CNOT10: variants seen among roughly 807,000 people sequenced by gnomAD.
CNOT10 encodes the protein CCR4-NOT transcription complex subunit 10.
Under a neutral mutation model 94.6 loss-of-function variants are expected in CNOT10, and 30 were observed. The ratio of observed to expected loss-of-function variants is 0.32; its 90% CI spans 0.24 to 0.43. CNOT10 has a LOEUF of 0.43. Ranked by LOEUF, CNOT10 falls within the 20% of genes least tolerant of loss-of-function variation. The pLI is 1.00. For synonymous variants in CNOT10, 289 were observed against 301.6 expected (o/e 0.96, Z 0.43); for missense variants, 759 against 877.2 (o/e 0.87, Z 1.70).
chr3:32,700,472 G>A (rs979076085), intron 1 of CNOT10, among the ~76,000 whole-genome samples: 1 of 152,012 alleles, frequency 6.6e-6, no homozygotes, highest in African/African-American at 2.4e-5. Flanking sequence ...TTGTCTGTAC[G>A]TCACTGTGCA....
At chr3:32,754,463 C>G (rs1251289034) in intron 13 of CNOT10, among the ~76,000 whole-genome samples, 1 of 71,324 alleles carries the variant, frequency 1.4e-5, no homozygotes, top group African/African-American at 6.0e-5. Flanking sequence ...GGCGACAGAG[C>G]AAGACTCCGT....
chr3:32,762,296 G>T (rs1196240378), intron 14 of CNOT10, among the ~76,000 whole-genome samples: 1 of 151,022 alleles, frequency 6.6e-6, no homozygotes, highest in Non-Finnish European at 1.5e-5. Context: ...TTGAGATGGC[G>T]TCTCACTCTG....
chr3:32,742,882 A>G (rs1699533261), intron 13 of CNOT10, among the ~76,000 whole-genome samples: 1 of 151,982 alleles, frequency 6.6e-6, no homozygotes, highest in Non-Finnish European at 1.5e-5. Context: ...TGCAGTGAAT[A>G]TGGTTATACA....
rs373832112 is a variant in CNOT10, at chr3:32,717,332, C to T, written c.744+95C>T. The stretch of plus-strand genomic sequence containing the variant: ...TTAAATAATTTATCTTAGTCTTTTA[C>T]ATATACTGCCAGATATGAACCTTGC... On this transcript the variant is annotated intron_variant, in intron 7 of 18. Transcript: ENST00000328834. 3.3e-5 allele frequency: 22 copies of T among 670,552 alleles called. No homozygotes were observed. In the African/African-American group the frequency reaches 3.9e-4, roughly 12 times the overall value. The allele number at this position is 670,552 out of a possible 1,614,324, so 41.5% of individuals were successfully genotyped here.
intron 1 of CNOT10, among the ~76,000 whole-genome samples, chr3:32,701,347 A>T (rs1327602530): frequency 6.6e-6 from 1 of 152,234 alleles, no homozygotes; most frequent in Non-Finnish European, 1.5e-5. Flanking sequence ...TAACCAGAAA[A>T]ATTCAGAATG....
At chr3:32,711,060 G>C (rs973278832) in intron 4 of CNOT10, among the ~76,000 whole-genome samples, 2 of 152,118 alleles carry the variant, frequency 1.3e-5, no homozygotes, top group African/African-American at 4.8e-5. Context: ...TTGAGCACAT[G>C]GTCCAATACT....
intron 13 of CNOT10, among the ~76,000 whole-genome samples, chr3:32,748,008 T>G (rs1699782314): frequency 6.6e-6 from 1 of 152,102 alleles, no homozygotes; most frequent in Non-Finnish European, 1.5e-5. Context: ...CCAGCTACTT[T>G]TTTATTTTTT....
intron 5 of CNOT10, among the ~76,000 whole-genome samples, chr3:32,714,187 C>CT (rs1297087808): frequency 1.3e-5 from 2 of 151,918 alleles, no homozygotes; most frequent in Non-Finnish European, 2.9e-5. Context: ...TATTGTCTAT[C>CT]TTTAAAAAAA....
intron 1 of CNOT10, among the ~76,000 whole-genome samples, chr3:32,687,452 GT>G (rs56091219): frequency 0.011 from 692 of 60,414 alleles, 9 homozygotes; most frequent in African/African-American, 0.031. Context: ...TTTTTTTTTT[GT>G]TTTTTTTTTT....
chr3:32,698,407 C>T (rs1188484214), intron 1 of CNOT10, among the ~76,000 whole-genome samples: 1 of 152,016 alleles, frequency 6.6e-6, no homozygotes, highest in African/African-American at 2.4e-5. Context: ...TAAGTGGTGA[C>T]TCTCAAAAGG....
chr3:32,712,048 C>G (rs1451338347), intron 4 of CNOT10, among the ~76,000 whole-genome samples: 1 of 151,874 alleles, frequency 6.6e-6, no homozygotes, highest in African/African-American at 2.4e-5. Flanking sequence ...GTTAACTTTC[C>G]TCTCTTCATT....
chr3:32,706,629 T>C (rs1281273396), intron 3 of CNOT10, among the ~76,000 whole-genome samples: 3 of 152,354 alleles, frequency 2.0e-5, no homozygotes, highest in South Asian at 4.1e-4. Flanking sequence ...TGGTGAGTCA[T>C]AGAATATGTG....
At chr3:32,738,850 A>G (rs1358961028) in intron 13 of CNOT10, among the ~76,000 whole-genome samples, 1 of 150,964 alleles carries the variant, frequency 6.6e-6, no homozygotes, top group East Asian at 1.9e-4. Flanking sequence ...ATTGTTCATA[A>G]TATTTTTTTT....
intron 13 of CNOT10, among the ~76,000 whole-genome samples, chr3:32,752,048 G>T (rs1362333315): frequency 6.6e-6 from 1 of 152,096 alleles, no homozygotes; most frequent in Admixed American, 6.6e-5. Context: ...CAGCACTTCG[G>T]AAGTTCGAGG....
Position 32,773,776 on chromosome 3 carries a change from A to G in CNOT10, c.*165A>G. On this transcript the variant is annotated 3_prime_UTR_variant, in exon 19 of 19. Transcript: ENST00000328834. ...GCTTACTTAAAATTAAGGATTTACT[A>G]AGTCATCATCAGCTGTTTTTCTTAA... The G allele has an allele frequency of 1.6e-6, 1 of 622,070 alleles. No homozygotes were observed. The highest frequency in any genetic ancestry group is 2.6e-6 in the Non-Finnish European group (1 of 385,222). The allele number at this position is 622,070 out of a possible 1,614,324, so 38.5% of individuals were successfully genotyped here. A position where few individuals can be genotyped will look rare whatever the true frequency, so the allele number is the denominator to read the frequency against.
intron 17 of CNOT10, 149 bp from the exon 18 acceptor site, chr3:32,769,738 C>T (rs1344899587): frequency 8.0e-6 from 5 of 621,236 alleles, no homozygotes; most frequent in African/African-American, 1.8e-5. Flanking sequence ...GGAACTGAGG[C>T]TCATCAGAGC....
intron 14 of CNOT10, among the ~76,000 whole-genome samples, chr3:32,761,681 G>A (rs1700452821): frequency 6.6e-6 from 1 of 150,794 alleles, no homozygotes; most frequent in Admixed American, 6.6e-5. Flanking sequence ...TCAGCCTCCT[G>A]CGTAGCTGGG....
intron 10 of CNOT10, among the ~76,000 whole-genome samples, chr3:32,732,907 C>G (rs1699022584): frequency 6.6e-6 from 1 of 152,034 alleles, no homozygotes; most frequent in South Asian, 2.1e-4. Context: ...ATTTTAATTT[C>G]CTAGAAGGCA....
chr3:32,702,236 T>C (rs529264065), intron 1 of CNOT10, among the ~76,000 whole-genome samples: 2 of 152,206 alleles, frequency 1.3e-5, no homozygotes, highest in Admixed American at 1.3e-4. Context: ...GCTGGGATTA[T>C]AGGCATGAGC....
Sources: allele counts gnomAD v4.1 joint callset (sites outside exome capture counted in the v4.1 genomes callset), GRCh38; gene constraint gnomAD v4.1.1; transcripts MANE v1.5; gene names NCBI Gene and HGNC (gene_info 2026-07-23, HGNC 2026-07-21).